The following SCHIP1 variants were observed in gnomAD, a reference collection of about 807,000 sequenced individuals.
SCHIP1 encodes schwannomin-interacting protein 1.
A neutral mutation model predicts 29.7 loss-of-function variants in SCHIP1; 8 were observed. That is an observed-to-expected ratio of 0.27 (90% CI 0.16 to 0.49). SCHIP1 has a LOEUF of 0.49. Among genes scored for constraint, SCHIP1 ranks in the 20% least tolerant of loss-of-function variants. The pLI is 0.99. For missense variants in SCHIP1, 193 were observed against 294.6 expected (o/e 0.66, Z 2.52); for synonymous variants, 76 against 94.9 (o/e 0.80, Z 1.16).
At chr3:159,719,446 A>C in the SCHIP1 span, among the ~76,000 whole-genome samples, 1 of 152,232 alleles carries the variant, frequency 6.6e-6, no homozygotes, top group African/African-American at 2.4e-5. Context: ...GTGAACAGGC[A>C]ACCTACAGAA....
At chr3:159,763,694 G>C in the SCHIP1 span, 1 of 152,290 alleles carries the variant, frequency 6.6e-6, no homozygotes, top group Non-Finnish European at 1.5e-5. Context: ...CCCTCCCCTA[G>C]GGCGGTGACG....
chr3:159,392,879 A>G, the SCHIP1 span, among the ~76,000 whole-genome samples: 1 of 152,216 alleles, frequency 6.6e-6, no homozygotes, highest in African/African-American at 2.4e-5. Flanking sequence ...ATGCCTGAGG[A>G]ATCGCCACAC....
chr3:159,390,113 A>G, the SCHIP1 span, among the ~76,000 whole-genome samples: 1 of 152,028 alleles, frequency 6.6e-6, no homozygotes, highest in Non-Finnish European at 1.5e-5. Flanking sequence ...TTATTTAACC[A>G]TTATTTAACA....
the SCHIP1 span, among the ~76,000 whole-genome samples, chr3:159,461,530 A>C: frequency 6.6e-6 from 1 of 152,008 alleles, no homozygotes; most frequent in South Asian, 2.1e-4. Flanking sequence ...ATATATAAAC[A>C]CAAATATACA....
the SCHIP1 span, among the ~76,000 whole-genome samples, chr3:159,579,531 C>T: frequency 2.0e-5 from 3 of 152,130 alleles, no homozygotes; most frequent in South Asian, 2.1e-4. Flanking sequence ...AACCTAGCAG[C>T]GAAATAAGAC....
At chr3:159,730,290 C>A in the SCHIP1 span, among the ~76,000 whole-genome samples, 82 of 152,228 alleles carry the variant, frequency 5.4e-4, no homozygotes, top group Non-Finnish European at 9.6e-4. Context: ...TTAACCTCTG[C>A]GCCTTAGTCT....
At chr3:159,573,392 T>G in the SCHIP1 span, among the ~76,000 whole-genome samples, 8 of 152,184 alleles carry the variant, frequency 5.3e-5, no homozygotes, top group Non-Finnish European at 5.9e-5. Context: ...GGCTGGATAT[T>G]AAATTCTGGG....
the SCHIP1 span, among the ~76,000 whole-genome samples, chr3:159,467,054 T>C: frequency 9.9e-5 from 15 of 152,100 alleles, no homozygotes; most frequent in Non-Finnish European, 1.8e-4. Flanking sequence ...CTCCTGTTAA[T>C]ACTTTGCTGA....
At chr3:159,458,494 T>C in the SCHIP1 span, among the ~76,000 whole-genome samples, 1 of 152,022 alleles carries the variant, frequency 6.6e-6, no homozygotes, top group Non-Finnish European at 1.5e-5. Flanking sequence ...AGGGAAGAAG[T>C]GGACTCAGCA....
the SCHIP1 span, among the ~76,000 whole-genome samples, chr3:159,453,987 G>T: frequency 6.6e-6 from 1 of 152,176 alleles, no homozygotes; most frequent in Non-Finnish European, 1.5e-5. Context: ...CTAAGCCCAA[G>T]CTAGGCCATG....
At chr3:159,385,443 G>T in the SCHIP1 span, among the ~76,000 whole-genome samples, 6 of 152,012 alleles carry the variant, frequency 3.9e-5, no homozygotes, top group African/African-American at 1.4e-4. Context: ...TATAGTTCTA[G>T]CTACTCAGGA....
the SCHIP1 span, among the ~76,000 whole-genome samples, chr3:159,755,991 C>T: frequency 6.6e-6 from 1 of 152,252 alleles, no homozygotes; most frequent in African/African-American, 2.4e-5. Context: ...AGCCTCCCTC[C>T]CGGCTGCTTT....
chr3:159,563,283 A>G, the SCHIP1 span, among the ~76,000 whole-genome samples: 570 of 152,302 alleles, frequency 3.7e-3, 5 homozygotes, highest in African/African-American at 0.013. Context: ...ACAATTCTCA[A>G]TATAGACACT....
At chr3:159,641,980 G>T in the SCHIP1 span, among the ~76,000 whole-genome samples, 1 of 152,232 alleles carries the variant, frequency 6.6e-6, no homozygotes, top group South Asian at 2.1e-4. Context: ...TATTGTGTAA[G>T]CAGTGCAGCT....
At chr3:159,566,044 A>G in the SCHIP1 span, among the ~76,000 whole-genome samples, 1 of 152,228 alleles carries the variant, frequency 6.6e-6, no homozygotes, top group African/African-American at 2.4e-5. Flanking sequence ...AAAGTAATAC[A>G]TGTTCTAGGA....
the SCHIP1 span, among the ~76,000 whole-genome samples, chr3:159,437,649 A>C: frequency 6.6e-6 from 1 of 152,074 alleles, no homozygotes; most frequent in Non-Finnish European, 1.5e-5. Context: ...AAAAAAATCT[A>C]CATCTTGCTA....
At chr3:159,285,057 T>G in the SCHIP1 span, among the ~76,000 whole-genome samples, 1 of 152,164 alleles carries the variant, frequency 6.6e-6, no homozygotes, top group Non-Finnish European at 1.5e-5. Flanking sequence ...CTAAAAATGT[T>G]AAATATTAAG....
the SCHIP1 span, among the ~76,000 whole-genome samples, chr3:159,383,496 T>C: frequency 6.6e-6 from 1 of 151,970 alleles, no homozygotes; most frequent in African/African-American, 2.4e-5. Flanking sequence ...TACCATGCTG[T>C]TTTGGTTACT....
the SCHIP1 span, among the ~76,000 whole-genome samples, chr3:159,499,510 C>T: frequency 6.6e-6 from 1 of 152,172 alleles, no homozygotes; most frequent in East Asian, 1.9e-4. Flanking sequence ...ATTGCCAAGT[C>T]GACTGAGATG....
Sources: gnomAD v4.1 joint callset for allele counts (sites outside exome capture counted in the v4.1 genomes callset) on GRCh38, gnomAD v4.1.1 for gene constraint, MANE v1.5 for transcripts, NCBI Gene and HGNC (gene_info 2026-07-23, HGNC 2026-07-21) for gene names.